PIK3C2G: variants seen among roughly 807,000 people sequenced by gnomAD.
PIK3C2G encodes the protein phosphatidylinositol 3-kinase C2 domain-containing subunit gamma.
PIK3C2G carries 168 observed loss-of-function variants against 181.1 expected under a neutral mutation model. That is an observed-to-expected ratio of 0.93 (90% CI 0.82 to 1.05). The LOEUF (loss-of-function observed/expected upper bound fraction) is 1.05, where lower values mean the gene tolerates loss of function less well. Ranked by LOEUF, PIK3C2G falls within the 50% of genes least tolerant of loss-of-function variation. The pLI is 0.00. For missense variants in PIK3C2G, 1,869 were observed against 1,732.8 expected (o/e 1.08, Z -1.40); for synonymous variants, 573 against 592.2 (o/e 0.97, Z 0.47).
At chr12:18,351,099 A>C (rs1035172003) in intron 11 of PIK3C2G, among the ~76,000 whole-genome samples, 1 of 152,138 alleles carries the variant, frequency 6.6e-6, no homozygotes, top group African/African-American at 2.4e-5. Flanking sequence ...CTATATAATA[A>C]AGATCTCATC....
intron 24 of PIK3C2G, among the ~76,000 whole-genome samples, chr12:18,513,980 C>T (rs1032003216): frequency 7.9e-5 from 12 of 151,772 alleles, no homozygotes; most frequent in African/African-American, 2.9e-4. Context: ...TTGACATAGA[C>T]ATTTATTGCT....
At chr12:18,330,754 A>G (rs549372569) in intron 8 of PIK3C2G, among the ~76,000 whole-genome samples, 45 of 152,236 alleles carry the variant, frequency 3.0e-4, no homozygotes, top group African/African-American at 1.0e-3. Context: ...TGCAATTGTA[A>G]TCATTCTAAT....
At chr12:18,428,336 A>T (rs934301406) in intron 18 of PIK3C2G, among the ~76,000 whole-genome samples, 5 of 108,408 alleles carry the variant, frequency 4.6e-5, no homozygotes, top group Non-Finnish European at 8.1e-5. Flanking sequence ...AGTCTTATTT[A>T]AAAAAAAAAA....
chr12:18,533,017 T>A (rs1444338189), intron 24 of PIK3C2G, among the ~76,000 whole-genome samples: 1 of 151,650 alleles, frequency 6.6e-6, no homozygotes, highest in Non-Finnish European at 1.5e-5. Context: ...AAAACTCACC[T>A]CCATGTTGTT....
intron 1 of PIK3C2G, among the ~76,000 whole-genome samples, chr12:18,264,368 T>C (rs1375854518): frequency 1.3e-5 from 2 of 152,132 alleles, no homozygotes; most frequent in African/African-American, 4.8e-5. Context: ...TCACCTCCCC[T>C]TCTGGTATTT....
At chr12:18,604,601 C>G (rs1045257072) in intron 30 of PIK3C2G, among the ~76,000 whole-genome samples, 5 of 152,156 alleles carry the variant, frequency 3.3e-5, no homozygotes, top group Admixed American at 2.0e-4. Context: ...ACATTCCACT[C>G]AACAGTGCCT....
At chr12:18,398,964 G>C (rs1944055986) in intron 15 of PIK3C2G, among the ~76,000 whole-genome samples, 1 of 151,986 alleles carries the variant, frequency 6.6e-6, no homozygotes, top group South Asian at 2.1e-4. Context: ...GGGAGGCCGA[G>C]GCGGGCGGAT....
rs372360210 is a variant in PIK3C2G, at chr12:18,332,005, ATC to A, written c.1273-6419_1273-6418del. ...TAATTACACTTACTAAGAATTTATA[ATC>A]TGTTTCATATATTTCTAACTTAAAT... On this transcript the variant is annotated intron_variant, in intron 8 of 32. Transcript: ENST00000538779. Among the ~76,000 whole-genome samples, 103 of 152,292 alleles carry A rather than the reference ATC, an allele frequency of 6.8e-4. No homozygotes were observed. In the East Asian group the frequency reaches 0.015, roughly 23 times the overall value.
chr12:18,326,989 C>T (rs975892705), intron 8 of PIK3C2G, among the ~76,000 whole-genome samples: 10 of 151,970 alleles, frequency 6.6e-5, no homozygotes, highest in Admixed American at 2.6e-4. Context: ...GATCTTATTA[C>T]TTATGTATGA....
chr12:18,336,931 T>C (rs1025066140), intron 8 of PIK3C2G, among the ~76,000 whole-genome samples: 5 of 152,162 alleles, frequency 3.3e-5, no homozygotes, highest in Non-Finnish European at 7.4e-5. Context: ...AAAACTTGCA[T>C]TGTGTCTTTG....
the PIK3C2G span, among the ~76,000 whole-genome samples, chr12:18,677,321 A>G: frequency 6.6e-6 from 1 of 152,166 alleles, no homozygotes; most frequent in Middle Eastern, 3.2e-3. Flanking sequence ...GGCACACGAC[A>G]TAGGCTGAAT....
chr12:18,507,613 TTTTTTCCTGAACTCTATCTACC>T (rs563658920), intron 24 of PIK3C2G, among the ~76,000 whole-genome samples: 74 of 152,192 alleles, frequency 4.9e-4, no homozygotes, highest in African/African-American at 1.7e-3. Flanking sequence ...CATGTAACAG[TTTTTTCCTGAACTCTATCTACC>T]TTTTTCTAAA....
intron 14 of PIK3C2G, among the ~76,000 whole-genome samples, chr12:18,390,343 T>C (rs1312092099): frequency 2.0e-5 from 3 of 152,122 alleles, no homozygotes; most frequent in Non-Finnish European, 4.4e-5. Context: ...ATCTCTAATA[T>C]TAAAATGAAA....
intron 3 of PIK3C2G, among the ~76,000 whole-genome samples, chr12:18,289,183 A>G (rs1341959014): frequency 6.6e-6 from 1 of 152,226 alleles, no homozygotes; most frequent in Non-Finnish European, 1.5e-5. Flanking sequence ...TCAAAAGAAG[A>G]TCAAATGGAA....
At chr12:18,561,069 T>C (rs1007730220) in intron 26 of PIK3C2G, among the ~76,000 whole-genome samples, 2 of 152,240 alleles carry the variant, frequency 1.3e-5, no homozygotes, top group Non-Finnish European at 2.9e-5. Context: ...AGACCAACTG[T>C]TGTCAGCTTA....
chr12:18,487,384 A>C (rs577856940), intron 18 of PIK3C2G, among the ~76,000 whole-genome samples: 1 of 152,172 alleles, frequency 6.6e-6, no homozygotes, highest in African/African-American at 2.4e-5. Flanking sequence ...CAGAGATGCA[A>C]AATTAGGCAT....
chr12:18,282,866 TATTCATCTTACTTTTGAA>T (rs1213552886), intron 2 of PIK3C2G, 107 bp downstream of exon 2: 1 of 768,544 alleles, frequency 1.3e-6, no homozygotes, highest in African/African-American at 1.8e-5. Context: ...TAGGGAAATC[TATTCATCTTACTTTTGAA>T]AAAAATTTTC....
At chr12:18,492,843 C>A (rs1373457114) in intron 20 of PIK3C2G, among the ~76,000 whole-genome samples, 1 of 152,144 alleles carries the variant, frequency 6.6e-6, no homozygotes, top group African/African-American at 2.4e-5. Flanking sequence ...GTCACCACCC[C>A]TAGTGCTGCA....
chr12:18,563,158 C>G (rs1279919849), intron 27 of PIK3C2G, among the ~76,000 whole-genome samples: 2 of 152,260 alleles, frequency 1.3e-5, no homozygotes, highest in South Asian at 4.1e-4. Context: ...TCCACAAGAA[C>G]AGCAAAAATT....
Sources: gnomAD v4.1 joint callset for allele counts (sites outside exome capture counted in the v4.1 genomes callset) on GRCh38, gnomAD v4.1.1 for gene constraint, MANE v1.5 for transcripts, NCBI Gene and HGNC (gene_info 2026-07-23, HGNC 2026-07-21) for gene names.